TBC1D5: variants seen among roughly 807,000 people sequenced by gnomAD.
TBC1D5 encodes the protein TBC1 domain family member 5.
A neutral mutation model predicts 100.3 loss-of-function variants in TBC1D5; 75 were observed. That is an observed-to-expected ratio of 0.75 (90% CI 0.62 to 0.91). The LOEUF (loss-of-function observed/expected upper bound fraction) is 0.91. Among genes scored for constraint, TBC1D5 ranks in the 40% least tolerant of loss-of-function variants. TBC1D5 has a pLI of 0.00. For synonymous variants in TBC1D5, 323 were observed against 325.6 expected, an observed-to-expected ratio of 0.99 and a Z score of 0.09; for missense variants, 910 against 942.4, an observed-to-expected ratio of 0.97 and a Z score of 0.45.
chr3:17,173,072 C>G (rs1195308880), intron 19 of TBC1D5, among the ~76,000 whole-genome samples: 6 of 152,192 alleles, frequency 3.9e-5, no homozygotes, highest in Non-Finnish European at 1.5e-5. Flanking sequence ...GCTCCGCACC[C>G]AGTCGTTTCA....
chr3:17,181,112 G>A (rs1423049609), intron 19 of TBC1D5, among the ~76,000 whole-genome samples: 3 of 152,142 alleles, frequency 2.0e-5, no homozygotes, highest in Non-Finnish European at 4.4e-5. Flanking sequence ...TGGCCCTCAT[G>A]TCACTAAGTG....
intron 12 of TBC1D5, among the ~76,000 whole-genome samples, chr3:17,372,767 C>T (rs2092529084): frequency 6.6e-6 from 1 of 152,128 alleles, no homozygotes; most frequent in Non-Finnish European, 1.5e-5. Context: ...ACATAACTTG[C>T]CAAGAACAAA....
chr3:17,710,301 A>G (rs1215125410), intron 1 of TBC1D5, among the ~76,000 whole-genome samples: 1 of 152,182 alleles, frequency 6.6e-6, no homozygotes, highest in Non-Finnish European at 1.5e-5. Flanking sequence ...GTGGTGGCTC[A>G]CACCTGTAAT....
intron 2 of TBC1D5, among the ~76,000 whole-genome samples, chr3:17,563,958 A>G (rs1001908489): frequency 2.7e-4 from 41 of 152,030 alleles, no homozygotes; most frequent in African/African-American, 6.8e-4. Context: ...AATTTTTTGT[A>G]TTTTTAGTAG....
chr3:17,737,737 G>T (rs1488569879), intron 1 of TBC1D5, among the ~76,000 whole-genome samples: 1 of 151,594 alleles, frequency 6.6e-6, no homozygotes, highest in African/African-American at 2.4e-5. Context: ...AAAAAGTAAA[G>T]GTAAACACTC....
intron 3 of TBC1D5, among the ~76,000 whole-genome samples, chr3:17,431,373 T>G (rs1158560496): frequency 6.6e-6 from 1 of 151,972 alleles, no homozygotes. Context: ...TGAAAATAAT[T>G]TAACTAATCT....
At chr3:17,528,909 CG>C (rs1247022463) in intron 2 of TBC1D5, among the ~76,000 whole-genome samples, 1 of 152,142 alleles carries the variant, frequency 6.6e-6, no homozygotes, top group Non-Finnish European at 1.5e-5. Flanking sequence ...CTTTTAGTCT[CG>C]AACTCTAAGA....
intron 13 of TBC1D5, among the ~76,000 whole-genome samples, chr3:17,311,304 C>T (rs114675820): frequency 0.018 from 2,745 of 152,106 alleles, 83 homozygotes; most frequent in African/African-American, 0.062. Context: ...CTCATAACCA[C>T]ATATATTTTA....
intron 3 of TBC1D5, among the ~76,000 whole-genome samples, chr3:17,429,117 T>G (rs1160570766): frequency 2.0e-5 from 3 of 151,832 alleles, no homozygotes; most frequent in Admixed American, 6.6e-5. Flanking sequence ...AGGAACAACA[T>G]CAAAAGGTAT....
At chr3:17,162,760 T>C (rs946995476) in intron 21 of TBC1D5, among the ~76,000 whole-genome samples, 31 of 152,222 alleles carry the variant, frequency 2.0e-4, no homozygotes, top group Non-Finnish European at 4.3e-4. Context: ...CCCATGACTG[T>C]CCCTATATAA....
At chr3:17,739,553 A>C (rs1327587652) in exon 1 of TBC1D5, 1 of 152,238 alleles carries the variant, frequency 6.6e-6, no homozygotes, top group East Asian at 1.9e-4. Flanking sequence ...GGAATAAAAA[A>C]CTTTCAGAGG....
rs1199553981 is a variant in TBC1D5, at chr3:17,445,371, G to A, written c.98-16852C>T. On this transcript the variant is annotated intron_variant, in intron 3 of 21. Coordinates refer to ENST00000253692, the Ensembl canonical transcript of TBC1D5. ...GAAGAACCATAAAAAAAAAAGTCCC[G>A]TCTGCCATAGACAATACTTTTGTGA... is the stretch of plus-strand genomic sequence containing the variant. Among the ~76,000 whole-genome samples the A allele has an allele frequency of 3.3e-5, 5 of 151,376 alleles. No homozygotes were observed. In the South Asian group the frequency reaches 6.2e-4, roughly 19 times the overall value.
At chr3:17,718,377 C>G (rs983923368) in intron 1 of TBC1D5, among the ~76,000 whole-genome samples, 2 of 152,136 alleles carry the variant, frequency 1.3e-5, no homozygotes. Flanking sequence ...GGGGGCAGAT[C>G]ATGAGGTCAG....
chr3:17,175,110 C>G (rs948867714), intron 19 of TBC1D5, among the ~76,000 whole-genome samples: 6 of 152,286 alleles, frequency 3.9e-5, no homozygotes, highest in Admixed American at 2.0e-4. Flanking sequence ...CATTGATGGT[C>G]TATTAAGAGC....
At chr3:17,609,625 T>C (rs1480563222) in intron 2 of TBC1D5, among the ~76,000 whole-genome samples, 6 of 152,212 alleles carry the variant, frequency 3.9e-5, no homozygotes, top group Non-Finnish European at 5.9e-5. Flanking sequence ...AGAAGTTTCA[T>C]AGTCCCATTC....
intron 2 of TBC1D5, among the ~76,000 whole-genome samples, chr3:17,509,182 C>A (rs1016712759): frequency 6.6e-6 from 1 of 151,294 alleles, no homozygotes; most frequent in Admixed American, 6.6e-5. Context: ...AAGAAAAAAA[C>A]AATTGTGTGT....
chr3:17,611,941 TAC>T (rs1186074049), intron 2 of TBC1D5, among the ~76,000 whole-genome samples: 1 of 152,188 alleles, frequency 6.6e-6, no homozygotes, highest in Non-Finnish European at 1.5e-5. Flanking sequence ...TGCCCAATAC[TAC>T]TCTATTCTGA....
chr3:17,290,139 T>C (rs1430335763), intron 15 of TBC1D5, among the ~76,000 whole-genome samples: 1 of 152,248 alleles, frequency 6.6e-6, no homozygotes, highest in Non-Finnish European at 1.5e-5. Flanking sequence ...ATCATGTTTT[T>C]ACTTGGTAAG....
chr3:17,237,042 A>T (rs149643531), intron 17 of TBC1D5, among the ~76,000 whole-genome samples: 1 of 152,238 alleles, frequency 6.6e-6, no homozygotes, highest in Non-Finnish European at 1.5e-5. Context: ...ATCAGAAACT[A>T]ATTTTGAATG....
Sources: gnomAD v4.1 joint callset for allele counts (sites outside exome capture counted in the v4.1 genomes callset) on GRCh38, gnomAD v4.1.1 for gene constraint, MANE v1.5 for transcripts, NCBI Gene and HGNC (gene_info 2026-07-23, HGNC 2026-07-21) for gene names.